The following SLIT2 variants were observed in gnomAD, a reference collection of about 807,000 sequenced individuals.
SLIT2 encodes slit guidance ligand 2.
SLIT2 carries 41 observed loss-of-function variants against 185.7 expected under a neutral mutation model. The ratio of observed to expected loss-of-function variants is 0.22; its 90% CI spans 0.17 to 0.29. The LOEUF is 0.29. Ranked by LOEUF, SLIT2 falls within the 10% of genes least tolerant of loss-of-function variation. The pLI, the probability that SLIT2 is intolerant of heterozygous loss-of-function variation, is 1.00. For missense variants in SLIT2, 1,571 were observed against 1,909.0 expected, an observed-to-expected ratio of 0.82 and a Z score of 3.30; for synonymous variants, 693 against 680.2, an observed-to-expected ratio of 1.02 and a Z score of -0.29.
chr4:20,350,380 A>C (rs1721772819), intron 4 of SLIT2, among the ~76,000 whole-genome samples: 1 of 152,066 alleles, frequency 6.6e-6, no homozygotes, highest in Admixed American at 6.6e-5. Flanking sequence ...TTCCCAAAGC[A>C]TGAGCAAATT....
intron 4 of SLIT2, among the ~76,000 whole-genome samples, chr4:20,381,427 CT>C (rs767864677): frequency 3.9e-5 from 6 of 152,114 alleles, no homozygotes; most frequent in Non-Finnish European, 5.9e-5. Context: ...AAGTAAATTT[CT>C]TGGTCAACAC....
intron 34 of SLIT2, among the ~76,000 whole-genome samples, chr4:20,612,419 G>A (rs1183842604): frequency 1.3e-5 from 2 of 151,924 alleles, no homozygotes; most frequent in Admixed American, 6.6e-5. Context: ...GTCCACCCAG[G>A]CCTCAAGGAA....
intron 9 of SLIT2, among the ~76,000 whole-genome samples, chr4:20,508,313 A>C (rs192599792): frequency 6.6e-6 from 1 of 152,148 alleles, no homozygotes; most frequent in East Asian, 1.9e-4. Context: ...GAAAATAAGG[A>C]AAGGATTTAA....
At chr4:20,472,342 A>ATC (rs1284820062) in intron 5 of SLIT2, among the ~76,000 whole-genome samples, 6 of 69,260 alleles carry the variant, frequency 8.7e-5, no homozygotes, top group Non-Finnish European at 1.3e-4. Context: ...ATAGATCTAT[A>ATC]TATAGATATA....
rs769768872 is a variant in SLIT2 at position 20,253,893 on chromosome 4, G to A, written c.78G>A (p.Gln26=). Residue 26 remains glutamine, a synonymous_variant, in exon 1 of 37, where the codon CAG becomes CAA. Coordinates refer to ENST00000504154, the MANE Select transcript of SLIT2 (RefSeq NM_004787.4). ...VLAILNKVAP[Q]ACPAQCSCSG... is the part of the protein sequence containing the mutation. ...CGATCCTGAACAAGGTGGCACCGCAGGCGTGCCCGGCGCAGTGCTCTTGCT... is the reference window on the plus strand; with the variant it reads ...CGATCCTGAACAAGGTGGCACCGCAAGCGTGCCCGGCGCAGTGCTCTTGCT... 3.1e-6 allele frequency: 5 copies of A among 1,601,442 alleles called. No individual in the cohort carries two copies. The highest frequency in any genetic ancestry group is 4.2e-6 in the Non-Finnish European group (5 of 1,179,924).
intron 4 of SLIT2, among the ~76,000 whole-genome samples, chr4:20,396,573 C>T (rs1392863671): frequency 2.6e-5 from 4 of 151,584 alleles, no homozygotes; most frequent in Admixed American, 6.6e-5. Flanking sequence ...GAAAAGAGTT[C>T]TTTTAAAAAC....
chr4:20,463,602 C>T (rs1257009588), intron 4 of SLIT2, among the ~76,000 whole-genome samples: 10 of 148,416 alleles, frequency 6.7e-5, no homozygotes, highest in East Asian at 2.0e-4. Context: ...AGGCCGGGCA[C>T]GGTGGTTCAC....
At chr4:20,456,797 A>G (rs1373104850) in intron 4 of SLIT2, among the ~76,000 whole-genome samples, 2 of 152,136 alleles carry the variant, frequency 1.3e-5, no homozygotes, top group Non-Finnish European at 2.9e-5. Context: ...TTTAAAGTCC[A>G]TCAGCCAAGA....
At chr4:20,482,633 A>G (rs17612037) in intron 6 of SLIT2, among the ~76,000 whole-genome samples, 23,046 of 151,954 alleles carry the variant, frequency 0.15, 1,812 homozygotes, top group Middle Eastern at 0.24. Flanking sequence ...TCATGGAATT[A>G]AAATAGAAAT....
intron 11 of SLIT2, among the ~76,000 whole-genome samples, chr4:20,515,997 A>G (rs139654351): frequency 0.02 from 3,024 of 152,210 alleles, 50 homozygotes; most frequent in East Asian, 0.074. Context: ...TTGTATTTTT[A>G]GTAGAGACAG....
chr4:20,480,669 G>A, intron 5 of SLIT2, 47 bp from the exon 6 acceptor site: 1 of 1,445,558 alleles, frequency 6.9e-7, no homozygotes, highest in Non-Finnish European at 9.7e-7. Flanking sequence ...ACCTACCCCA[G>A]CTACTGTCCA....
chr4:20,545,085 T>C (rs544424163), intron 21 of SLIT2, among the ~76,000 whole-genome samples: 1 of 152,268 alleles, frequency 6.6e-6, no homozygotes, highest in South Asian at 2.1e-4. Context: ...ATTATCATCT[T>C]AGACAACTTC....
intron 16 of SLIT2, among the ~76,000 whole-genome samples, chr4:20,529,402 T>C (rs1230005423): frequency 6.6e-6 from 1 of 152,192 alleles, no homozygotes; most frequent in Non-Finnish European, 1.5e-5. Context: ...TATTCCCAAT[T>C]TGTTTTCTAA....
intron 3 of SLIT2, among the ~76,000 whole-genome samples, chr4:20,263,608 T>G (rs1054196791): frequency 2.0e-5 from 3 of 151,892 alleles, no homozygotes; most frequent in Non-Finnish European, 4.4e-5. Context: ...CTTTCTCCTT[T>G]TAAAATCAGA....
chr4:20,468,277 A>G (rs1165393862), intron 5 of SLIT2, among the ~76,000 whole-genome samples: 1 of 152,118 alleles, frequency 6.6e-6, no homozygotes, highest in Non-Finnish European at 1.5e-5. Flanking sequence ...TTCTGGAAAT[A>G]GTAGATAATA....
At chr4:20,387,423 AATAGT>A (rs1366322390) in intron 4 of SLIT2, among the ~76,000 whole-genome samples, 2 of 151,366 alleles carry the variant, frequency 1.3e-5, no homozygotes, top group Non-Finnish European at 3.0e-5. Context: ...CAGTGAAAAG[AATAGT>A]ATTGTTTACC....
intron 4 of SLIT2, among the ~76,000 whole-genome samples, chr4:20,368,722 C>T (rs924482144): frequency 6.6e-6 from 1 of 152,072 alleles, no homozygotes. Context: ...TTGACAGGTG[C>T]TCTGAAAGCA....
chr4:20,522,213 G>C (rs923380162), intron 12 of SLIT2, among the ~76,000 whole-genome samples: 15 of 152,030 alleles, frequency 9.9e-5, no homozygotes, highest in Admixed American at 8.5e-4. Flanking sequence ...TTTCCACTCT[G>C]AATGTAAGAG....
intron 4 of SLIT2, among the ~76,000 whole-genome samples, chr4:20,345,874 C>T (rs976304246): frequency 1.3e-5 from 2 of 152,110 alleles, no homozygotes; most frequent in African/African-American, 4.8e-5. Flanking sequence ...GATCCCCTTT[C>T]TCCTATCTTC....
Sources: gnomAD v4.1 joint callset for allele counts (sites outside exome capture counted in the v4.1 genomes callset) on GRCh38, gnomAD v4.1.1 for gene constraint, MANE v1.5 for transcripts, NCBI Gene and HGNC (gene_info 2026-07-23, HGNC 2026-07-21) for gene names.